Variants in CMYA5 observed in about 807,000 individuals in gnomAD.
CMYA5 encodes cardiomyopathy associated 5.
A neutral mutation model predicts 318.9 loss-of-function variants in CMYA5; 246 were observed. The observed-to-expected ratio is 0.77, with a 90% CI of 0.70 to 0.86. CMYA5 has a LOEUF of 0.86. Ranked by LOEUF, CMYA5 falls within the 40% of genes least tolerant of loss-of-function variation. CMYA5 has a pLI of 0.00. For missense variants in CMYA5, 4,589 were observed against 4,678.2 expected, an observed-to-expected ratio of 0.98 and a Z score of 0.56; for synonymous variants, 1,641 against 1,729.5, an observed-to-expected ratio of 0.95 and a Z score of 1.27.
intron 5 of CMYA5, among the ~76,000 whole-genome samples, chr5:79,751,694 T>A (rs1010314566): frequency 1.3e-5 from 2 of 152,220 alleles, no homozygotes; most frequent in Non-Finnish European, 2.9e-5. Flanking sequence ...TGCATTAGAA[T>A]ACAGTAGTGA....
intron 1 of CMYA5, among the ~76,000 whole-genome samples, chr5:79,691,984 G>A (rs1377387108): frequency 6.6e-6 from 1 of 152,210 alleles, no homozygotes; most frequent in African/African-American, 2.4e-5. Flanking sequence ...AAAGAGTTAA[G>A]TTATTCTCTT....
chr5:79,713,425 T>C (rs914257638), intron 1 of CMYA5, among the ~76,000 whole-genome samples: 3 of 152,094 alleles, frequency 2.0e-5, no homozygotes, highest in Admixed American at 6.5e-5. Context: ...TCTGAAGCAG[T>C]CACTAAGCTA....
In CMYA5 at chr5:79,754,376, C is replaced by T. The variant is rs151222315; in HGVS notation, c.11110+1582C>T. On this transcript the variant is annotated intron_variant, in intron 6 of 12. Coordinates refer to ENST00000446378, the MANE Select transcript of CMYA5 (RefSeq NM_153610.5). ...ATACGATGGCTGGCATTGTGGAAAC[C>T]GTTAAGCATATCAAATCATCTAATC... 1.1e-4 allele frequency among the ~76,000 whole-genome samples: 17 copies of T among 152,246 alleles called. 1 individual carries two copies. The highest frequency in any genetic ancestry group is 3.6e-4 in the African/African-American group (15 of 41,550).
In CMYA5 at chr5:79,732,208, C is replaced by T. The variant is rs1450422316; in HGVS notation, c.3443C>T (p.Ala1148Val). ...GEREASSSVA[A>V]IPAALPAQSS... ...AGGGAGGCAAGTTCATCAGTAGCTG[C>T]AATACCTGCTGCTTTACCTGCACAA... The change falls in exon 2 of 13, where the codon GCA becomes GTA. Residue 1148 changes from alanine (A) to valine (V), a missense_variant. Ala to Val is a moderately conservative substitution (Grantham distance 64). Around this residue, in one of 3 missense-constraint regions of CMYA5, gnomAD observed 2,132 missense variants for 2,131.3 expected, o/e 1.00. Coordinates refer to ENST00000446378, the MANE Select transcript of CMYA5 (RefSeq NM_153610.5). 1.2e-6 allele frequency: 2 copies of T among 1,613,786 alleles called. No homozygotes were observed. The highest frequency in any genetic ancestry group is 1.7e-5 in the Admixed American group (1 of 59,972).
rs781248351 is a variant in CMYA5, at chr5:79,730,318, C to A, written c.1553C>A (p.Thr518Asn). The change falls in exon 2 of 13, where the codon ACC becomes AAC. Residue 518 changes from threonine (T) to asparagine (N), a missense_variant. This residue lies in a region of CMYA5 where 2,132 missense variants were observed against 2,131.3 expected (regional missense o/e 1.00). Transcript: ENST00000446378. ...EIETSLPIAI[T>N]PEPEDSNLVE... ...GAAACTTCCCTACCCATAGCTATTA[C>A]CCCTGAACCTGAAGATTCTAATTTA... 3 of 1,613,546 alleles carry A rather than the reference C, an allele frequency of 1.9e-6. No individual in the cohort carries two copies. The highest frequency in any genetic ancestry group is 1.6e-4 in the Middle Eastern group (1 of 6,084).
At chr5:79,698,410 A>G (rs1194495330) in intron 1 of CMYA5, among the ~76,000 whole-genome samples, 1 of 151,820 alleles carries the variant, frequency 6.6e-6, no homozygotes, top group Non-Finnish European at 1.5e-5. Flanking sequence ...AGGATACTTC[A>G]CCTGTCTGTG....
At chr5:79,751,271 G>A (rs1280001813) in intron 5 of CMYA5, among the ~76,000 whole-genome samples, 1 of 152,146 alleles carries the variant, frequency 6.6e-6, no homozygotes, top group African/African-American at 2.4e-5. Context: ...TTTCATCCCT[G>A]ACTGTCTGTG....
Position 79,731,678 on chromosome 5 carries a change from GT to G in CMYA5, c.2914del (p.Cys972AlafsTer7), listed in dbSNP as rs1561207347. On this transcript the variant is annotated frameshift_variant, in exon 2 of 13. Coordinates refer to ENST00000446378, the MANE Select transcript of CMYA5 (RefSeq NM_153610.5). LOFTEE classifies it high-confidence loss of function. Reference protein sequence around the residue: ...TQEAEKREFECDSPICLTSPS... With the variant: ...TQEAEKREFEXDSPICLTSPS... ...AGGAAGCAGAGAAAAGAGAATTTGA[GT>G]GCGATTCTCCAATATGTTTAACATC... is the stretch of plus-strand genomic sequence containing the variant. The G allele has an allele frequency of 6.2e-7, 1 of 1,613,926 alleles. No homozygotes were observed. The highest frequency in any genetic ancestry group is 1.1e-5 in the South Asian group (1 of 91,076).
chr5:79,712,592 G>A (rs913943026), intron 1 of CMYA5, among the ~76,000 whole-genome samples: 2 of 151,864 alleles, frequency 1.3e-5, no homozygotes, highest in Non-Finnish European at 2.9e-5. Flanking sequence ...GACAAACCCC[G>A]ATTCCATCTA....
rs904973112 is a variant in CMYA5 at position 79,729,952 on chromosome 5, A to G, written c.1187A>G (p.Glu396Gly). Residue 396 changes from glutamate to glycine, a missense_variant, in exon 2 of 13, where the codon GAA becomes GGA. This residue lies in a region of CMYA5 where 2,132 missense variants were observed against 2,131.3 expected (regional missense o/e 1.00). Transcript: ENST00000446378. ...PATMFLRTTK[E>G]ECELASPGTA... Reference sequence around the variant, plus strand: ...ACTATGTTCCTGAGAACAACAAAGGAAGAATGTGAGCTTGCTTCACCAGGA... The same window carrying G: ...ACTATGTTCCTGAGAACAACAAAGGGAGAATGTGAGCTTGCTTCACCAGGA... 12 of 1,613,890 alleles carry G rather than the reference A, an allele frequency of 7.4e-6. No individual in the cohort carries two copies. The highest frequency in any genetic ancestry group is 6.7e-5 in the Admixed American group (4 of 59,992).
At position 79,729,190 on chromosome 5, in the gene CMYA5, C is replaced by T; in HGVS notation, c.425C>T (p.Ser142Leu). The T allele has an allele frequency of 1.9e-6, 3 of 1,613,068 alleles. No individual in the cohort carries two copies. Among genetic ancestry groups the T allele is most frequent in the Non-Finnish European group, 2.5e-6 (3 of 1,179,704 alleles). Reference sequence around the variant, plus strand: ...AGGACTCATAAGTCAAAGCATGGTTCACCATCATTACGCCGGAAAGGCAAC... The same window carrying T: ...AGGACTCATAAGTCAAAGCATGGTTTACCATCATTACGCCGGAAAGGCAAC... ...RKRTHKSKHG[S>L]PSLRRKGNRK... The change falls in exon 2 of 13, where the codon TCA (serine) becomes TTA (leucine). Residue 142 changes from serine to leucine, a missense_variant. By Grantham distance (145) the Ser-to-Leu change is moderately radical. Around this residue, in one of 3 missense-constraint regions of CMYA5, gnomAD observed 2,132 missense variants for 2,131.3 expected, o/e 1.00. Coordinates refer to ENST00000446378, the MANE Select transcript of CMYA5 (RefSeq NM_153610.5).
At chr5:79,760,691 G>C (rs923768819) in intron 7 of CMYA5, among the ~76,000 whole-genome samples, 3 of 152,154 alleles carry the variant, frequency 2.0e-5, no homozygotes, top group African/African-American at 7.2e-5. Flanking sequence ...CCTCCCACCA[G>C]GCTCTTCCTC....
At chr5:79,751,982 C>G (rs901525186) in intron 5 of CMYA5, among the ~76,000 whole-genome samples, 1 of 152,186 alleles carries the variant, frequency 6.6e-6, no homozygotes, top group Non-Finnish European at 1.5e-5. Flanking sequence ...GGAAATGAAG[C>G]CTTTTTGTCA....
intron 9 of CMYA5, among the ~76,000 whole-genome samples, chr5:79,784,941 G>T (rs919686226): frequency 1.1e-4 from 17 of 151,928 alleles, no homozygotes; most frequent in African/African-American, 4.1e-4. Flanking sequence ...TTGGCTCCCA[G>T]TAATTTCATT....
Position 79,737,435 on chromosome 5 carries a change from C to T in CMYA5, c.8670C>T (p.Ser2890=). Reference sequence around the variant, plus strand: ...AGGAACCACTGTCTTCAGCAAAAAGCAACTATGCTCAATTTATATCTAATA... The same window carrying T: ...AGGAACCACTGTCTTCAGCAAAAAGTAACTATGCTCAATTTATATCTAATA... ...RVKEPLSSAK[S]NYAQFISNTS... Residue 2890 remains serine, a synonymous_variant, in exon 2 of 13, where the codon AGC becomes AGT. Transcript: ENST00000446378. The T allele has an allele frequency of 6.2e-7, 1 of 1,613,834 alleles. No individual in the cohort carries two copies.
At chr5:79,758,728 A>G in intron 6 of CMYA5, 25 bp from the exon 7 acceptor site, 1 of 1,560,642 alleles carries the variant, frequency 6.4e-7, no homozygotes, top group Non-Finnish European at 8.6e-7. Context: ...AGCATTAGTT[A>G]CAATAAAACT....
At chr5:79,752,880 T>C in intron 6 of CMYA5, 86 bp downstream of exon 6, 1 of 896,494 alleles carries the variant, frequency 1.1e-6, no homozygotes, top group East Asian at 2.6e-5. Flanking sequence ...ATACAAAAGA[T>C]TTTGAGTGTA....
chr5:79,694,949 G>A (rs1363539393), intron 1 of CMYA5, among the ~76,000 whole-genome samples: 1 of 152,100 alleles, frequency 6.6e-6, no homozygotes, highest in Non-Finnish European at 1.5e-5. Flanking sequence ...TTAAGTGTTG[G>A]CTGCATGGAT....
intron 1 of CMYA5, among the ~76,000 whole-genome samples, chr5:79,713,893 G>A (rs137954961): frequency 5.5e-4 from 84 of 152,182 alleles, no homozygotes; most frequent in African/African-American, 1.4e-3. Flanking sequence ...CACATGGATC[G>A]CATCTTCATC....
Sources: gnomAD v4.1 joint callset for allele counts (sites outside exome capture counted in the v4.1 genomes callset) on GRCh38, gnomAD v4.1.1 for gene constraint, gnomAD v4.1.1 regional missense constraint, MANE v1.5 for transcripts, NCBI Gene and HGNC (gene_info 2026-07-23, HGNC 2026-07-21) for gene names.